Variants in DYSF observed in about 807,000 individuals in gnomAD.
DYSF encodes dysferlin.
DYSF carries 212 observed loss-of-function variants against 274.9 expected under a neutral mutation model. The ratio of observed to expected loss-of-function variants is 0.77; its 90% CI spans 0.69 to 0.86. The LOEUF (loss-of-function observed/expected upper bound fraction) is 0.86, where lower values mean the gene tolerates loss of function less well. DYSF is among the 40% of genes least tolerant of loss of function. The pLI is 0.00. For synonymous variants in DYSF, 1,091 were observed against 1,078.7 expected, an observed-to-expected ratio of 1.01 and a Z score of -0.22; for missense variants, 2,666 against 2,783.2, an observed-to-expected ratio of 0.96 and a Z score of 0.95.
At chr2:71,550,552 G>T (rs1386386216) in intron 17 of DYSF, among the ~76,000 whole-genome samples, 4 of 151,662 alleles carry the variant, frequency 2.6e-5, no homozygotes, top group Non-Finnish European at 5.9e-5. Context: ...TGGTTACCGG[G>T]CTCTGGGACC....
rs2095309291 is a variant in DYSF, at chr2:71,682,537, G to A, written c.6181G>A (p.Asp2061Asn). The A allele has an allele frequency of 6.2e-7, 1 of 1,614,044 alleles. No homozygotes were observed. Among genetic ancestry groups the A allele is most frequent in the East Asian group, 2.2e-5 (1 of 44,858 alleles). ...CCGGGATCTCGCTTCCAGGCGCCCC[G>A]ACACCTCCTTCCTGTGGTTTACCTC... ...NPKLEDPRRP[D>N]TSFLWFTSPY... The change falls in exon 55 of 56, where the codon GAC becomes AAC. Residue 2061 changes from aspartate (D) to asparagine (N), a missense_variant. By Grantham distance (23) the Asp-to-Asn change is conservative. This residue lies in a region of DYSF where 1,460 missense variants were observed against 1,502.1 expected (regional missense o/e 0.97). Coordinates refer to ENST00000410020, the MANE Select transcript of DYSF (RefSeq NM_001130987.2).
intron 17 of DYSF, 59 bp downstream of exon 17, chr2:71,539,298 A>T: frequency 1.4e-6 from 2 of 1,436,360 alleles, no homozygotes; most frequent in Admixed American, 1.7e-5. Context: ...TACCCCCTCT[A>T]TCCAGCTTAC....
rs376736275 is a variant in DYSF at position 71,549,286 on chromosome 2, A to G, written c.1577-1755A>G. The G allele has an allele frequency of 5.2e-5, 79 of 1,524,490 alleles. 1 individual carries two copies. The African/African-American group carries it at 8.5e-4, about 16-fold the overall frequency. The allele number at this position is 1,524,490 out of a possible 1,614,324, so 94.4% of individuals were successfully genotyped here. A position where few individuals can be genotyped will look rare whatever the true frequency, so the allele number is the denominator to read the frequency against. ...CCAGCTCTCCATCCACAGCCTGTTC[A>G]TGTAACCCGTCCTTCTCCCAGCCAT... On this transcript the variant is annotated intron_variant, in intron 17 of 55. Transcript: ENST00000410020.
intron 1 of DYSF, chr2:71,454,201 G>T: frequency 1.9e-6 from 2 of 1,053,540 alleles, no homozygotes; most frequent in Non-Finnish European, 2.9e-6. Flanking sequence ...TTCTGGCCCC[G>T]CCAGACTGAC....
chr2:71,543,754 C>G (rs1023653814), intron 17 of DYSF, among the ~76,000 whole-genome samples: 6 of 152,160 alleles, frequency 3.9e-5, no homozygotes, highest in South Asian at 2.1e-4. Flanking sequence ...CGCAGGCACT[C>G]GGCAGGCTGA....
At chr2:71,560,061 C>A (rs920620652) in intron 22 of DYSF, among the ~76,000 whole-genome samples, 1 of 152,216 alleles carries the variant, frequency 6.6e-6, no homozygotes, top group Non-Finnish European at 1.5e-5. Context: ...AGTCAGCCGG[C>A]GTTGGCGGGG....
At chr2:71,463,097 C>T (rs1225381630), upstream of DYSF, among the ~76,000 whole-genome samples, 1 of 152,206 alleles carries the variant, frequency 6.6e-6, no homozygotes, top group African/African-American at 2.4e-5. Context: ...AACATGTCGT[C>T]TAGGGCACCT....
intron 41 of DYSF, among the ~76,000 whole-genome samples, chr2:71,622,290 T>C (rs1459076145): frequency 6.6e-6 from 1 of 152,148 alleles, no homozygotes; most frequent in Admixed American, 6.6e-5. Flanking sequence ...GAAAACAATA[T>C]TTTTGTATAT....
In DYSF at chr2:71,613,211, G is replaced by A. The variant is rs527513377; in HGVS notation, c.4388-123G>A. The A allele has an allele frequency of 4.5e-4, 373 of 832,282 alleles. 2 individuals carry two copies. Among genetic ancestry groups the A allele is most frequent in the Non-Finnish European group, 6.7e-4 (331 of 493,834 alleles). 51.6% of individuals were successfully genotyped at this position (832,282 alleles called of 1,614,324 possible). On this transcript the variant is annotated intron_variant, in intron 39 of 55. Transcript: ENST00000410020. ...TGGGAAGTAGGAAGAGAGAGATACC[G>A]ACTGAGAAATGTGGAGAGACTGCAG... is the stretch of plus-strand genomic sequence containing the variant.
chr2:71,620,801 A>G lies in DYSF; in HGVS notation c.4527+192A>G, dbSNP rs191512096. ...AGAGAAAGCTATGGAGTAGATGCTC[A>G]GAAATGGACACCCCTAGGTTACTTC... On this transcript the variant is annotated intron_variant, in intron 41 of 55. Transcript: ENST00000410020. Among the ~76,000 whole-genome samples the G allele has an allele frequency of 3.2e-3, 489 of 152,246 alleles. 3 individuals are homozygous for G. The highest frequency in any genetic ancestry group is 5.3e-3 in the Non-Finnish European group (360 of 68,022).
At chr2:71,680,903 A>G in intron 53 of DYSF, 98 bp from the exon 54 acceptor site, 1 of 929,018 alleles carries the variant, frequency 1.1e-6, no homozygotes, top group Non-Finnish European at 1.7e-6. Context: ...TTTTTTTTAA[A>G]TAATGAAGTG....
Position 71,555,992 on chromosome 2 carries a change from G to T in DYSF, c.2137G>T (p.Ala713Ser). 6.4e-7 allele frequency: 1 copy of T among 1,569,732 alleles called. No homozygotes were observed. Among genetic ancestry groups the T allele is most frequent in the Non-Finnish European group, 8.6e-7 (1 of 1,157,298 alleles). The change falls in exon 22 of 56, where the codon GCC (alanine) becomes TCC (serine). Residue 713 changes from alanine to serine, a missense_variant. Physicochemically the swap from Ala to Ser is moderately conservative, Grantham distance 99 (BLOSUM62 1). Around this residue, in one of 3 missense-constraint regions of DYSF, gnomAD observed 412 missense variants for 504.0 expected, o/e 0.82. Transcript: ENST00000410020. ...LEAGLEQVHL[A>S]LKAQCSTEDV... ...AGCTGGCCTGGAGCAGGTCCACCTG[G>T]CCCTGAAGGCGCAGTGCTCCACGGA...
chr2:71,600,941 C>T, intron 34 of DYSF, 99 bp downstream of exon 34: 1 of 1,532,558 alleles, frequency 6.5e-7, no homozygotes, highest in Non-Finnish European at 8.9e-7. Context: ...GAAGCCAGGC[C>T]TCCTGCTGAG....
At chr2:71,546,808 C>G (rs545696181) in intron 17 of DYSF, among the ~76,000 whole-genome samples, 130 of 152,384 alleles carry the variant, frequency 8.5e-4, no homozygotes, top group African/African-American at 2.8e-3. Context: ...AAGCGAGAGT[C>G]AGGCAGCCAG....
chr2:71,665,168 A>AC lies in DYSF; in HGVS notation c.5183dup (p.Asn1729GlufsTer21). On this transcript the variant is annotated frameshift_variant, in exon 47 of 56. Transcript: ENST00000410020. LOFTEE classifies it high-confidence loss of function. ...TCTTGTGCTTGCTCCTCAGCTCTGG[A>AC]CCGAACCAGTGGCGGGACCAGCTCC... 1.9e-6 allele frequency: 3 copies of AC among 1,613,764 alleles called. No homozygotes were observed. Among genetic ancestry groups the AC allele is most frequent in the Non-Finnish European group, 2.5e-6 (3 of 1,180,008 alleles).
intron 30 of DYSF, among the ~76,000 whole-genome samples, chr2:71,586,239 G>A (rs2093063747): frequency 6.6e-6 from 1 of 152,286 alleles, no homozygotes; most frequent in African/African-American, 2.4e-5. Flanking sequence ...TTGTGAATCA[G>A]GGTGGTACAA....
chr2:71,644,175 C>A, intron 42 of DYSF, 112 bp downstream of exon 42: 1 of 971,570 alleles, frequency 1.0e-6, no homozygotes, highest in Non-Finnish European at 1.6e-6. Context: ...TCTCCTCATT[C>A]GGTGTCTGAG....
At chr2:71,544,962 G>A (rs1356210857) in intron 17 of DYSF, among the ~76,000 whole-genome samples, 2 of 152,146 alleles carry the variant, frequency 1.3e-5, no homozygotes, top group Non-Finnish European at 2.9e-5. Context: ...CCTGGCAGGC[G>A]ACAAACAAAT....
chr2:71,629,640 T>G (rs2094279658), intron 41 of DYSF, among the ~76,000 whole-genome samples: 1 of 152,250 alleles, frequency 6.6e-6, no homozygotes, highest in African/African-American at 2.4e-5. Flanking sequence ...TGTGGCTTTT[T>G]GGGTCCACTA....
Sources: allele counts gnomAD v4.1 joint callset (sites outside exome capture counted in the v4.1 genomes callset), GRCh38; gene constraint gnomAD v4.1.1; regional missense constraint gnomAD v4.1.1; transcripts MANE v1.5; gene names NCBI Gene and HGNC (gene_info 2026-07-23, HGNC 2026-07-21).